The following DPP6 variants were observed in gnomAD, a reference collection of about 807,000 sequenced individuals.
The protein encoded by DPP6 is dipeptidyl peptidase like 6.
Under a neutral mutation model 122.6 loss-of-function variants are expected in DPP6, and 69 were observed. The observed-to-expected ratio is 0.56, with a 90% CI of 0.46 to 0.69. The LOEUF (loss-of-function observed/expected upper bound fraction) is 0.69. Ranked by LOEUF, DPP6 falls within the 30% of genes least tolerant of loss-of-function variation. DPP6 has a pLI of 0.00. For synonymous variants in DPP6, 418 were observed against 433.1 expected (o/e 0.97, Z 0.43); for missense variants, 928 against 1,116.9 (o/e 0.83, Z 2.41).
intron 1 of DPP6, among the ~76,000 whole-genome samples, chr7:154,268,305 G>A (rs1439251650): frequency 3.3e-5 from 5 of 152,174 alleles, no homozygotes; most frequent in Non-Finnish European, 7.4e-5. Flanking sequence ...CGTAAACTGG[G>A]TGGCTTATAA....
intron 1 of DPP6, among the ~76,000 whole-genome samples, chr7:153,894,685 C>G (rs1030293872): frequency 2.0e-5 from 3 of 152,116 alleles, no homozygotes; most frequent in African/African-American, 7.2e-5. Context: ...CCGACCTCTT[C>G]CCCAGTACCC....
intron 7 of DPP6, among the ~76,000 whole-genome samples, chr7:154,709,646 C>CT (rs1043143180): frequency 6.8e-6 from 1 of 146,768 alleles, no homozygotes; most frequent in African/African-American, 2.5e-5. Context: ...AGTTTGGTGG[C>CT]TTTTGCTGTG....
At chr7:154,067,200 G>T (rs2150501774) in intron 1 of DPP6, among the ~76,000 whole-genome samples, 1 of 115,618 alleles carries the variant, frequency 8.6e-6, no homozygotes, top group Middle Eastern at 3.7e-3. Flanking sequence ...CAAGTACTAG[G>T]GCTTCAATAC....
At chr7:153,791,795 T>C in the DPP6 span, among the ~76,000 whole-genome samples, 2 of 148,328 alleles carry the variant, frequency 1.3e-5, no homozygotes, top group African/African-American at 5.3e-5. Context: ...AGTCCTATAA[T>C]ATAACTGAAA....
intron 7 of DPP6, among the ~76,000 whole-genome samples, chr7:154,718,557 C>A (rs996251555): frequency 2.0e-5 from 3 of 151,896 alleles, no homozygotes; most frequent in Admixed American, 1.3e-4. Flanking sequence ...CCACACCCCC[C>A]CCAACTTTAG....
At chr7:154,569,131 G>C (rs1160347404) in intron 5 of DPP6, among the ~76,000 whole-genome samples, 1 of 150,704 alleles carries the variant, frequency 6.6e-6, no homozygotes, top group African/African-American at 2.5e-5. Context: ...TTCTGCATGA[G>C]AATTTGGAGT....
rs1229645363 is a variant in DPP6, at chr7:154,749,745, GAA to G, written c.884-19670_884-19669del. On this transcript the variant is annotated intron_variant, in intron 8 of 25. Transcript: ENST00000377770. The stretch of plus-strand genomic sequence containing the variant: ...GCGAGGGTGAGAGAGCATAGGACGG[GAA>G]AGAGAGGGATGGAGGCTTTACTGAG... Among the ~76,000 whole-genome samples the G allele has an allele frequency of 4.7e-3, 240 of 50,604 alleles. 6 individuals are homozygous for G. Among genetic ancestry groups the G allele is most frequent in the East Asian group, 8.0e-3 (9 of 1,130 alleles). The allele number at this position is 50,604 out of a possible 152,430, so 33.2% of individuals were successfully genotyped here. A position where few individuals can be genotyped will look rare whatever the true frequency, so the allele number is the denominator to read the frequency against.
chr7:154,355,755 T>A (rs1811224933), intron 1 of DPP6, among the ~76,000 whole-genome samples: 1 of 152,216 alleles, frequency 6.6e-6, no homozygotes, highest in Non-Finnish European at 1.5e-5. Context: ...AGTTACTATA[T>A]CTTGTTAACT....
At chr7:153,801,751 A>C in the DPP6 span, among the ~76,000 whole-genome samples, 1 of 152,322 alleles carries the variant, frequency 6.6e-6, no homozygotes, top group South Asian at 2.1e-4. Context: ...ACTTCTCCCC[A>C]AGAAAGTACA....
In DPP6 at chr7:154,252,235, T is replaced by TGTGTGTGTGTGTGC. The variant is rs60245069; in HGVS notation, c.244-193978_244-193977insTGTGTGTGTGTGCG. On this transcript the variant is annotated intron_variant, in intron 1 of 25. Coordinates refer to ENST00000377770, the MANE Select transcript of DPP6 (RefSeq NM_130797.4). The stretch of plus-strand genomic sequence containing the variant: ...TCACGTGTGTGTGTGTGTGTGTGTG[T>TGTGTGTGTGTGTGC]GCGCGCATGCGCACGGTGGTGGTGG... Among the ~76,000 whole-genome samples, 162 of 149,444 alleles carry TGTGTGTGTGTGTGC rather than the reference T, an allele frequency of 1.1e-3. 1 individual carries two copies. Among genetic ancestry groups the TGTGTGTGTGTGTGC allele is most frequent in the East Asian group, 4.5e-3 (23 of 5,146 alleles).
intron 16 of DPP6, among the ~76,000 whole-genome samples, chr7:154,832,628 G>A (rs1045462226): frequency 2.6e-5 from 4 of 152,148 alleles, no homozygotes; most frequent in African/African-American, 7.2e-5. Context: ...TCCCACATCC[G>A]CACACCCCAG....
chr7:153,773,656 C>T, the DPP6 span, among the ~76,000 whole-genome samples: 1 of 150,946 alleles, frequency 6.6e-6, no homozygotes, highest in Non-Finnish European at 1.5e-5. Context: ...ATTTGAACTA[C>T]ATCAAAGTAT....
At chr7:154,445,659 A>G (rs1368772542) in intron 1 of DPP6, among the ~76,000 whole-genome samples, 2 of 152,204 alleles carry the variant, frequency 1.3e-5, no homozygotes, top group African/African-American at 2.4e-5. Context: ...GGAGCTATGG[A>G]AAAAAGAAAA....
Position 154,484,770 on chromosome 7 carries a change from G to T in DPP6, c.457+9733G>T, listed in dbSNP as rs556126869. The stretch of plus-strand genomic sequence containing the variant: ...AGAGCCCTCTGTGTCTCTAGGATGC[G>T]GTACTAGAGAGACTGTAAAATTGAA... On this transcript the variant is annotated intron_variant, in intron 3 of 25. Transcript: ENST00000377770. 2.0e-5 allele frequency among the ~76,000 whole-genome samples: 3 copies of T among 152,312 alleles called. No homozygotes were observed. In the South Asian group the frequency reaches 6.2e-4, roughly 32 times the overall value.
chr7:154,219,680 G>T (rs1351834009), intron 1 of DPP6, among the ~76,000 whole-genome samples: 1 of 152,056 alleles, frequency 6.6e-6, no homozygotes, highest in Admixed American at 6.6e-5. Flanking sequence ...CCACCTCCTG[G>T]GTTCAAGTGA....
intron 7 of DPP6, among the ~76,000 whole-genome samples, chr7:154,677,097 G>A (rs1264857971): frequency 6.6e-6 from 1 of 152,200 alleles, no homozygotes; most frequent in Non-Finnish European, 1.5e-5. Flanking sequence ...TTCATTCTAT[G>A]AGCTATTGTT....
intron 5 of DPP6, among the ~76,000 whole-genome samples, chr7:154,600,198 G>A (rs1833347989): frequency 6.6e-6 from 1 of 150,426 alleles, no homozygotes; most frequent in Non-Finnish European, 1.5e-5. Flanking sequence ...CACAATCTCA[G>A]CTCACTGCAA....
intron 1 of DPP6, among the ~76,000 whole-genome samples, chr7:154,017,734 A>T (rs1798496138): frequency 1.3e-5 from 2 of 149,922 alleles, no homozygotes; most frequent in African/African-American, 4.9e-5. Context: ...AAATAAAAAA[A>T]AAAAAAAGAA....
intron 1 of DPP6, among the ~76,000 whole-genome samples, chr7:153,897,707 AT>A (rs1319464941): frequency 6.6e-6 from 1 of 152,170 alleles, no homozygotes; most frequent in Non-Finnish European, 1.5e-5. Flanking sequence ...AAGACACCAT[AT>A]TTTTTATTCA....
Sources: gnomAD v4.1 joint callset for allele counts (sites outside exome capture counted in the v4.1 genomes callset) on GRCh38, gnomAD v4.1.1 for gene constraint, MANE v1.5 for transcripts, NCBI Gene and HGNC (gene_info 2026-07-23, HGNC 2026-07-21) for gene names.